PCDH11X: variants seen among roughly 807,000 people sequenced by gnomAD.
The protein encoded by PCDH11X is protocadherin-11 X-linked.
PCDH11X carries 18 observed loss-of-function variants against 53.3 expected under a neutral mutation model. That is an observed-to-expected ratio of 0.34 (90% confidence interval 0.23 to 0.50). The LOEUF is 0.50. Among genes scored for constraint, PCDH11X ranks in the 20% least tolerant of loss-of-function variants. The pLI is 0.98. For missense variants in PCDH11X, 570 were observed against 1,032.4 expected (o/e 0.55, Z 6.14); for synonymous variants, 279 against 393.3 (o/e 0.71, Z 3.44).
chrX:92,270,482 C>A (rs2148425965), intron 8 of PCDH11X, among the ~76,000 whole-genome samples: 1 of 111,892 alleles, frequency 8.9e-6, no homozygotes, highest in African/African-American at 3.2e-5. Flanking sequence ...CTTCATTGGT[C>A]ACCAATTTGT....
At chrX:92,435,634 T>A (rs1352901631) in intron 9 of PCDH11X, among the ~76,000 whole-genome samples, 1 of 111,437 alleles carries the variant, frequency 9.0e-6, no homozygotes, top group Non-Finnish European at 1.9e-5. Context: ...ATATTCAACA[T>A]TCTTAAACAA....
At chrX:92,301,448 C>T (rs1186371677) in intron 8 of PCDH11X, among the ~76,000 whole-genome samples, 7 of 108,020 alleles carry the variant, frequency 6.5e-5, no homozygotes, top group Non-Finnish European at 1.2e-4. Flanking sequence ...GTTCCCACAC[C>T]AAACCTTCTG....
intron 5 of PCDH11X, among the ~76,000 whole-genome samples, chrX:91,870,778 A>AGATGGTGTTTTCTTACCCAAAGG (rs1939248521): frequency 4.8e-5 from 5 of 104,487 alleles, no homozygotes; most frequent in Non-Finnish European, 2.0e-5. Context: ...TTACCCAAAG[A>AGATGGTGTTTTCTTACCCAAAGG]GAGATGGTGT....
chrX:92,295,379 A>G (rs1296465520), intron 8 of PCDH11X, among the ~76,000 whole-genome samples: 1 of 110,785 alleles, frequency 9.0e-6, no homozygotes, highest in Non-Finnish European at 1.9e-5. Context: ...TATTTCTAAT[A>G]ATTTTCGTAG....
chrX:91,924,037 A>G (rs978054634), intron 6 of PCDH11X, among the ~76,000 whole-genome samples: 1 of 109,442 alleles, frequency 9.1e-6, no homozygotes, highest in Non-Finnish European at 1.9e-5. Context: ...ATAAAATTTG[A>G]AATTATCAAA....
At chrX:92,553,801 A>G (rs761403485) in intron 10 of PCDH11X, among the ~76,000 whole-genome samples, 256 of 109,133 alleles carry the variant, frequency 2.3e-3, no homozygotes, top group Middle Eastern at 0.014. Context: ...CTATTCCACC[A>G]TCTTGCTCCC....
intron 6 of PCDH11X, among the ~76,000 whole-genome samples, chrX:92,038,841 A>G (rs956915278): frequency 9.2e-6 from 1 of 109,251 alleles, no homozygotes; most frequent in Non-Finnish European, 1.9e-5. Flanking sequence ...GTTTGCCTGC[A>G]CAAGCTCTCT....
chrX:92,133,167 A>G (rs1308586257), intron 6 of PCDH11X, among the ~76,000 whole-genome samples: 1 of 111,798 alleles, frequency 8.9e-6, no homozygotes, highest in African/African-American at 3.2e-5. Flanking sequence ...TTAGCTTACA[A>G]AAATGTCTAA....
chrX:91,888,213 C>A (rs906093862), intron 6 of PCDH11X, among the ~76,000 whole-genome samples: 4 of 111,808 alleles, frequency 3.6e-5, no homozygotes, highest in African/African-American at 1.3e-4. Flanking sequence ...GTCAAATTGA[C>A]ATAATAATGA....
chrX:92,102,859 G>C (rs1390880657), intron 6 of PCDH11X, among the ~76,000 whole-genome samples: 1 of 111,718 alleles, frequency 9.0e-6, no homozygotes, highest in East Asian at 2.8e-4. Flanking sequence ...AACTTGTAAG[G>C]CTTGTCTGGT....
At chrX:92,206,861 G>A (rs2066485683) in intron 7 of PCDH11X, among the ~76,000 whole-genome samples, 1 of 111,173 alleles carries the variant, frequency 9.0e-6, no homozygotes, top group South Asian at 3.8e-4. Context: ...ATTGGCAAAT[G>A]CTACAATACT....
intron 9 of PCDH11X, among the ~76,000 whole-genome samples, chrX:92,453,797 C>A (rs1214098600): frequency 8.1e-5 from 9 of 110,800 alleles, no homozygotes; most frequent in African/African-American, 2.9e-4. Context: ...CAGGTATTTG[C>A]GAATCAGGTG....
Position 91,893,721 on chromosome X carries a change from A to G in PCDH11X, c.3033+14448A>G, listed in dbSNP as rs192366040. ...AAGTTATCAATTTCGGGAAAACATG[A>G]ACAGATGGAGAAACCATGGGATATC... On this transcript the variant is annotated intron_variant, in intron 6 of 10. Coordinates refer to ENST00000682573, the MANE Select transcript of PCDH11X (RefSeq NM_032968.5). Among the ~76,000 whole-genome samples, 15 of 111,099 alleles carry G rather than the reference A, an allele frequency of 1.4e-4. No homozygotes were observed. The East Asian group carries it at 4.0e-3, about 30-fold the overall frequency.
At chrX:92,555,244 C>T (rs1017790901) in intron 10 of PCDH11X, among the ~76,000 whole-genome samples, 2 of 111,214 alleles carry the variant, frequency 1.8e-5, no homozygotes, top group African/African-American at 6.5e-5. Flanking sequence ...AAGGTTTAAA[C>T]TTTGTTTGAA....
chrX:92,258,067 A>G (rs2067633602), intron 7 of PCDH11X, among the ~76,000 whole-genome samples: 1 of 111,561 alleles, frequency 9.0e-6, no homozygotes, highest in Non-Finnish European at 1.9e-5. Flanking sequence ...CACTCAGTGT[A>G]CCTGCAGGCT....
At chrX:91,910,274 T>TAAAAAG (rs2147800691) in intron 6 of PCDH11X, among the ~76,000 whole-genome samples, 1 of 105,046 alleles carries the variant, frequency 9.5e-6, no homozygotes, top group African/African-American at 3.5e-5. Context: ...ATAAAAACAC[T>TAAAAAG]GTGTTTCCCT....
At chrX:92,412,506 AT>A (rs1371244021) in intron 9 of PCDH11X, among the ~76,000 whole-genome samples, 2 of 55,967 alleles carry the variant, frequency 3.6e-5, no homozygotes, top group African/African-American at 1.6e-4. Flanking sequence ...AATAAAGAAA[AT>A]AGTATATATA....
chrX:91,944,179 G>A (rs1354574297), intron 6 of PCDH11X, among the ~76,000 whole-genome samples: 2 of 92,516 alleles, frequency 2.2e-5, no homozygotes, highest in African/African-American at 7.7e-5. Flanking sequence ...CACAACACAG[G>A]AAATTGATGG....
At chrX:92,434,529 A>G (rs1475271900) in intron 9 of PCDH11X, among the ~76,000 whole-genome samples, 2 of 110,438 alleles carry the variant, frequency 1.8e-5, no homozygotes, top group East Asian at 5.7e-4. Flanking sequence ...GTAGAGCCAC[A>G]CTCAAAATTT....
Sources: gnomAD v4.1 joint callset for allele counts (sites outside exome capture counted in the v4.1 genomes callset) on GRCh38, gnomAD v4.1.1 for gene constraint, MANE v1.5 for transcripts, NCBI Gene and HGNC (gene_info 2026-07-23, HGNC 2026-07-21) for gene names.